The following VPS41 variants were observed in gnomAD, a reference collection of about 807,000 sequenced individuals.
VPS41 encodes the protein vacuolar protein sorting-associated protein 41 homolog.
Under a neutral mutation model 130.9 loss-of-function variants are expected in VPS41, and 85 were observed. The ratio of observed to expected loss-of-function variants is 0.65; its 90% confidence interval spans 0.55 to 0.78. The LOEUF is 0.78. Among genes scored for constraint, VPS41 ranks in the 30% least tolerant of loss-of-function variants. The probability of loss-of-function intolerance (pLI) is 0.00; values close to 1 mark genes in which losing one functional copy is unlikely to be tolerated. For missense variants in VPS41, 874 were observed against 1,018.7 expected (o/e 0.86, Z 1.93); for synonymous variants, 335 against 332.9 (o/e 1.01, Z -0.07).
intron 10 of VPS41, among the ~76,000 whole-genome samples, chr7:38,782,313 T>C (rs1784367351): frequency 6.6e-6 from 1 of 152,198 alleles, no homozygotes; most frequent in South Asian, 2.1e-4. Context: ...ACTGGCTATC[T>C]TGGAGTTCCC....
chr7:38,894,939 T>C (rs1786949371), intron 2 of VPS41, among the ~76,000 whole-genome samples: 1 of 152,222 alleles, frequency 6.6e-6, no homozygotes, highest in Non-Finnish European at 1.5e-5. Context: ...TTTCCTTCCA[T>C]TTATCTCCTC....
chr7:38,849,267 TA>T (rs1475500150), intron 4 of VPS41, among the ~76,000 whole-genome samples: 1 of 152,102 alleles, frequency 6.6e-6, no homozygotes, highest in Non-Finnish European at 1.5e-5. Flanking sequence ...CGGCAGCATC[TA>T]GGGGTGAATG....
Position 38,725,247 on chromosome 7 carries a change from T to C in VPS41, c.*999A>G, listed in dbSNP as rs1373892324. 1.3e-5 allele frequency: 2 copies of C among 152,210 alleles called. No individual in the cohort carries two copies. Among genetic ancestry groups the C allele is most frequent in the Non-Finnish European group, 1.5e-5 (1 of 68,056 alleles). The allele number at this position is 152,210 out of a possible 1,614,324, so 9.4% of individuals were successfully genotyped here. On this transcript the variant is annotated 3_prime_UTR_variant, in exon 29 of 29. Transcript: ENST00000310301. ...GGATGACCATATATCCCAAGGAAGA[T>C]GAAGCCAGTAACTGTAAGACACAAT... is the stretch of plus-strand genomic sequence containing the variant.
intron 9 of VPS41, among the ~76,000 whole-genome samples, chr7:38,790,768 ACT>A (rs1784521142): frequency 6.6e-6 from 1 of 152,214 alleles, no homozygotes; most frequent in Non-Finnish European, 1.5e-5. Context: ...CCCCACAGGC[ACT>A]GAGGGATGAT....
chr7:38,801,022 A>G (rs904951674), intron 7 of VPS41, among the ~76,000 whole-genome samples: 2 of 152,218 alleles, frequency 1.3e-5, no homozygotes, highest in Admixed American at 6.5e-5. Flanking sequence ...GCTCACTCCA[A>G]TGGACCCTTT....
intron 14 of VPS41, 127 bp downstream of exon 14, chr7:38,771,071 T>TTAGG (rs1784144067): frequency 5.6e-6 from 4 of 714,742 alleles, no homozygotes; most frequent in Non-Finnish European, 9.3e-6. Flanking sequence ...ATCTCATAGG[T>TTAGG]TAGGGAATTA....
At chr7:38,883,954 T>G (rs1786666837) in intron 2 of VPS41, among the ~76,000 whole-genome samples, 1 of 152,250 alleles carries the variant, frequency 6.6e-6, no homozygotes, top group African/African-American at 2.4e-5. Flanking sequence ...AGAGCAAGTT[T>G]GTAAGCCAAG....
At chr7:38,862,418 T>C in intron 4 of VPS41, 127 bp downstream of exon 4, 1 of 570,450 alleles carries the variant, frequency 1.8e-6, no homozygotes, top group South Asian at 2.7e-5. Context: ...TTTATACTCT[T>C]AGCACTCTGA....
chr7:38,827,942 C>T (rs1383973865), intron 5 of VPS41, among the ~76,000 whole-genome samples: 2 of 152,018 alleles, frequency 1.3e-5, no homozygotes, highest in Non-Finnish European at 2.9e-5. Context: ...CCATTTATTA[C>T]TGTTGTTGTT....
chr7:38,813,182 CT>C (rs1562595521), intron 7 of VPS41, among the ~76,000 whole-genome samples: 1 of 151,884 alleles, frequency 6.6e-6, no homozygotes, highest in Non-Finnish European at 1.5e-5. Flanking sequence ...GAAATATCAT[CT>C]GGACATAAAA....
intron 4 of VPS41, among the ~76,000 whole-genome samples, chr7:38,853,019 T>C (rs1431802357): frequency 6.6e-6 from 1 of 152,114 alleles, no homozygotes; most frequent in Non-Finnish European, 1.5e-5. Flanking sequence ...CATTCTTTCC[T>C]CTCCACTCCC....
chr7:38,889,171 T>C (rs1046033607), intron 2 of VPS41, among the ~76,000 whole-genome samples: 8 of 147,726 alleles, frequency 5.4e-5, no homozygotes, highest in Admixed American at 5.3e-4. Context: ...CCAACATTCA[T>C]GTTATTACAG....
intron 17 of VPS41, among the ~76,000 whole-genome samples, chr7:38,763,048 A>T (rs1783955546): frequency 2.6e-5 from 4 of 152,194 alleles, no homozygotes; most frequent in Admixed American, 6.5e-5. Flanking sequence ...ACATTACTTT[A>T]AAAATAGGAA....
intron 2 of VPS41, among the ~76,000 whole-genome samples, chr7:38,888,563 A>G (rs1259239097): frequency 6.6e-6 from 1 of 152,234 alleles, no homozygotes; most frequent in Non-Finnish European, 1.5e-5. Context: ...TTAGACTCCC[A>G]CACAGTAATA....
intron 17 of VPS41, among the ~76,000 whole-genome samples, chr7:38,759,444 C>T (rs1783869406): frequency 6.6e-6 from 1 of 152,186 alleles, no homozygotes; most frequent in Non-Finnish European, 1.5e-5. Flanking sequence ...AAAGTATTCA[C>T]TTTTAGTCAC....
At chr7:38,741,681 C>T (rs10486677) in intron 25 of VPS41, among the ~76,000 whole-genome samples, 37,643 of 152,038 alleles carry the variant, frequency 0.25, 5,552 homozygotes, top group East Asian at 0.43. Context: ...ATACTCGCCT[C>T]GATTCCATGT....
Position 38,765,846 on chromosome 7 carries a change from T to A in VPS41, c.1248-185A>T. 3 of 481,086 alleles carry A rather than the reference T, an allele frequency of 6.2e-6. No homozygotes were observed. The East Asian group carries it at 1.0e-4, about 16-fold the overall frequency. 29.8% of individuals were successfully genotyped at this position (481,086 alleles called of 1,614,324 possible). The stretch of plus-strand genomic sequence containing the variant: ...TATTACTGTTACTCATTTGGTTGCA[T>A]ACATAAATTAACACAACTTATAAAA... On this transcript the variant is annotated intron_variant, in intron 15 of 28. Coordinates refer to ENST00000310301, the MANE Select transcript of VPS41 (RefSeq NM_014396.4).
At chr7:38,842,315 C>T (rs910596836) in intron 4 of VPS41, among the ~76,000 whole-genome samples, 1 of 152,170 alleles carries the variant, frequency 6.6e-6, no homozygotes, top group Non-Finnish European at 1.5e-5. Flanking sequence ...GCACATCCCC[C>T]GACACACGCT....
rs762067089 is a variant in VPS41, at chr7:38,774,086, A to C, written c.1012+29T>G. ...GGGGAGAAAAAAACATTAAAAAAGCATATCAGCCAGATCTTTCATATCTCC... is the reference window on the plus strand; with the variant it reads ...GGGGAGAAAAAAACATTAAAAAAGCCTATCAGCCAGATCTTTCATATCTCC... On this transcript the variant is annotated intron_variant, in intron 12 of 28. Transcript: ENST00000310301. The C allele has an allele frequency of 7.1e-6, 11 of 1,559,848 alleles. No individual in the cohort carries two copies. In the South Asian group the frequency reaches 1.1e-4, roughly 15 times the overall value.
Sources: gnomAD v4.1 joint callset for allele counts (sites outside exome capture counted in the v4.1 genomes callset) on GRCh38, gnomAD v4.1.1 for gene constraint, MANE v1.5 for transcripts, NCBI Gene and HGNC (gene_info 2026-07-23, HGNC 2026-07-21) for gene names.